Variants in FCRL4 observed in about 807,000 individuals in gnomAD.
The protein encoded by FCRL4 is Fc receptor like 4.
FCRL4 carries 43 observed loss-of-function variants against 64.1 expected under a neutral mutation model. That is an observed-to-expected ratio of 0.67 (90% CI 0.53 to 0.87). The LOEUF (loss-of-function observed/expected upper bound fraction) is 0.87. FCRL4 is among the 40% of genes least tolerant of loss of function. The pLI is 0.00. For synonymous variants in FCRL4, 253 were observed against 239.8 expected, an observed-to-expected ratio of 1.05 and a Z score of -0.51; for missense variants, 656 against 613.5, an observed-to-expected ratio of 1.07 and a Z score of -0.73.
chr1:157,584,535 TA>T (rs879425113), intron 6 of FCRL4, among the ~76,000 whole-genome samples: 1,533 of 140,726 alleles, frequency 0.011, 15 homozygotes, highest in African/African-American at 0.027. Flanking sequence ...GACCCCATCT[TA>T]AAAAAAAAAA....
At position 157,578,168 on chromosome 1, in the gene FCRL4, T is replaced by G. The variant is rs147155861; in HGVS notation, c.1429+306A>C. ...CACAATGCTTACCACATAGTAGACA[T>G]TTTACAAACATTTATTCATTCAGAC... On this transcript the variant is annotated intron_variant, in intron 10 of 11. Coordinates refer to ENST00000271532, the MANE Select transcript of FCRL4 (RefSeq NM_031282.3). Among the ~76,000 whole-genome samples, 56 of 152,268 alleles carry G rather than the reference T, an allele frequency of 3.7e-4. No individual in the cohort carries two copies. The East Asian group carries it at 7.9e-3, about 22-fold the overall frequency.
At chr1:157,588,853 G>A (rs1372889480) in intron 3 of FCRL4, among the ~76,000 whole-genome samples, 1 of 152,182 alleles carries the variant, frequency 6.6e-6, no homozygotes, top group African/African-American at 2.4e-5. Context: ...GAGCTCCTTC[G>A]ATGGCACTTT....
chr1:157,596,465 T>C, intron 1 of FCRL4, 117 bp from the exon 2 acceptor site: 1 of 1,125,674 alleles, frequency 8.9e-7, no homozygotes, highest in South Asian at 1.3e-5. Flanking sequence ...ACACGTTCCA[T>C]TCCATCCATC....
rs1653007063 is a variant in FCRL4, at chr1:157,598,027, A to G, written c.-83T>C. Reference sequence around the variant, plus strand: ...GATTGCCAAAGCAGCACTTGCCTACACCAGCACCAGCAGTGAGCTCAGTAA... The same window carrying G: ...GATTGCCAAAGCAGCACTTGCCTACGCCAGCACCAGCAGTGAGCTCAGTAA... On this transcript the variant is annotated 5_prime_UTR_variant, in exon 1 of 12. Coordinates refer to ENST00000271532, the MANE Select transcript of FCRL4 (RefSeq NM_031282.3). 3.2e-6 allele frequency: 3 copies of G among 944,362 alleles called. No homozygotes were observed. The highest frequency in any genetic ancestry group is 3.4e-6 in the Non-Finnish European group (2 of 580,262). The allele number at this position is 944,362 out of a possible 1,614,324, so 58.5% of individuals were successfully genotyped here.
chr1:157,575,396 T>A lies in FCRL4; in HGVS notation c.*128A>T. Reference sequence around the variant, plus strand: ...GAGTATTCCTGGGAGTGAATGCATATGCATGAGAAGAATTAGAAAGCTGGA... The same window carrying A: ...GAGTATTCCTGGGAGTGAATGCATAAGCATGAGAAGAATTAGAAAGCTGGA... On this transcript the variant is annotated 3_prime_UTR_variant, in exon 12 of 12. Transcript: ENST00000271532. 5 of 696,010 alleles carry A rather than the reference T, an allele frequency of 7.2e-6. No individual in the cohort carries two copies. In the East Asian group the frequency reaches 1.3e-4, roughly 19 times the overall value. The allele number at this position is 696,010 out of a possible 1,614,324, so 43.1% of individuals were successfully genotyped here.
chr1:157,586,588 A>T, intron 5 of FCRL4, 133 bp from the exon 6 acceptor site: 4 of 717,816 alleles, frequency 5.6e-6, no homozygotes, highest in Non-Finnish European at 6.9e-6. Context: ...CATTGTGGCC[A>T]ATAGACCACA....
intron 1 of FCRL4, among the ~76,000 whole-genome samples, chr1:157,596,873 A>G (rs12063268): frequency 0.048 from 7,280 of 152,248 alleles, 222 homozygotes; most frequent in African/African-American, 0.086. Flanking sequence ...CCTCAGGGAC[A>G]AGACCAACAT....
rs1448107542 is a variant in FCRL4 at position 157,594,231 on chromosome 1, T to TA, written c.52+2096dup. Among the ~76,000 whole-genome samples the TA allele has an allele frequency of 2.0e-5, 3 of 152,230 alleles. No individual in the cohort carries two copies. In the East Asian group the frequency reaches 5.8e-4, roughly 29 times the overall value. ...AAAATGAAGTATTAACTTTCCCACC[T>TA]ACATGATCCAGGTCTGAATAAAGGG... On this transcript the variant is annotated intron_variant, in intron 2 of 11. Transcript: ENST00000271532.
At position 157,574,165 on chromosome 1, in the gene FCRL4, TTTC is replaced by T; in HGVS notation, c.*1356_*1358del. The T allele has an allele frequency of 4.5e-6, 1 of 220,772 alleles. No homozygotes were observed. Among genetic ancestry groups the T allele is most frequent in the East Asian group, 6.6e-5 (1 of 15,052 alleles). The allele number at this position is 220,772 out of a possible 1,614,324, so 13.7% of individuals were successfully genotyped here. On this transcript the variant is annotated 3_prime_UTR_variant, in exon 12 of 12. Transcript: ENST00000271532. ...TCTAATTACTTTTCTTCATTTTTCT[TTTC>T]TTCTCTCTCCCTTTCTTCCTCCCTC...
At position 157,580,321 on chromosome 1, in the gene FCRL4, C is replaced by G; in HGVS notation, c.1277G>C (p.Arg426Thr). Residue 426 changes from arginine to threonine, a missense_variant and splice_region_variant, in exon 8 of 12, where the codon AGG becomes ACG. By Grantham distance (71) the Arg-to-Thr change is moderately conservative. Transcript: ENST00000271532. Reference sequence around the variant, plus strand: ...GGAATGGCAGAAACTGAGGTCTCACCTGGTTTCGTCTCCCAAGAAACCAAC... The same window carrying G: ...GGAATGGCAGAAACTGAGGTCTCACGTGGTTTCGTCTCCCAAGAAACCAAC... ...SGVGFLGDET[R>T]LPPAPGPGES... 1 of 1,614,140 alleles carries G rather than the reference C, an allele frequency of 6.2e-7. No individual in the cohort carries two copies. Among genetic ancestry groups the G allele is most frequent in the Non-Finnish European group, 8.5e-7 (1 of 1,180,004 alleles).
At chr1:157,597,727 C>T (rs1442234971) in intron 1 of FCRL4, among the ~76,000 whole-genome samples, 187 bp downstream of exon 1, 2 of 152,190 alleles carry the variant, frequency 1.3e-5, no homozygotes, top group Non-Finnish European at 2.9e-5. Flanking sequence ...ATGAGAAATA[C>T]ATCTTTGGAA....
chr1:157,587,673 A>G, intron 4 of FCRL4, 113 bp from the exon 5 acceptor site: 1 of 1,242,524 alleles, frequency 8.0e-7, no homozygotes, highest in Non-Finnish European at 1.1e-6. Flanking sequence ...AGACAAACTT[A>G]TCAAGCCCTC....
chr1:157,579,723 C>CATAT (rs1219973413), intron 8 of FCRL4, among the ~76,000 whole-genome samples: 2 of 138,614 alleles, frequency 1.4e-5, no homozygotes, highest in Non-Finnish European at 3.1e-5. Context: ...TACATACATA[C>CATAT]ATACATACAT....
In FCRL4 at chr1:157,594,537, A is replaced by G. The variant is rs1237096892; in HGVS notation, c.52+1791T>C. Among the ~76,000 whole-genome samples the G allele has an allele frequency of 3.9e-5, 6 of 152,284 alleles. No homozygotes were observed. The East Asian group carries it at 1.2e-3, about 29-fold the overall frequency. On this transcript the variant is annotated intron_variant, in intron 2 of 11. Coordinates refer to ENST00000271532, the MANE Select transcript of FCRL4 (RefSeq NM_031282.3). ...TTCTGTGAAGTAGAAAATAAAACAA[A>G]TTGTTTTCATTTGTATTAATTTTCA...
Position 157,587,426 on chromosome 1 carries a change from C to T in FCRL4, c.697G>A (p.Gly233Ser). 6.2e-7 allele frequency: 1 copy of T among 1,614,258 alleles called. No individual in the cohort carries two copies. The highest frequency in any genetic ancestry group is 8.5e-7 in the Non-Finnish European group (1 of 1,180,044). Reference sequence around the variant, plus strand: ...CTCCAGTCTGACAGGATGACCTCGCCATCTCTGAAGAAGTTGAAGTGAAGT... The same window carrying T: ...CTCCAGTCTGACAGGATGACCTCGCTATCTCTGAAGAAGTTGAAGTGAAGT... ...TPLHFNFFRD[G>S]EVILSDWSTY... Residue 233 changes from glycine to serine, a missense_variant, in exon 5 of 12, where the codon GGC becomes AGC. Transcript: ENST00000271532.
At chr1:157,585,837 A>G (rs902753367) in intron 6 of FCRL4, among the ~76,000 whole-genome samples, 1 of 152,146 alleles carries the variant, frequency 6.6e-6, no homozygotes, top group Non-Finnish European at 1.5e-5. Context: ...GTAGGATGAC[A>G]CGGTAGGGTG....
At chr1:157,587,660 G>A (rs1017020289) in intron 4 of FCRL4, 100 bp from the exon 5 acceptor site, 3 of 1,331,252 alleles carry the variant, frequency 2.3e-6, no homozygotes, top group South Asian at 1.4e-5. Context: ...CAGACACACA[G>A]CAAGACAAAC....
At chr1:157,585,129 G>A (rs1450328215) in intron 6 of FCRL4, among the ~76,000 whole-genome samples, 3 of 152,238 alleles carry the variant, frequency 2.0e-5, no homozygotes, top group Middle Eastern at 3.4e-3. Context: ...AAAAAATCAG[G>A]GAGGTAAGGA....
chr1:157,597,959 G>C lies in FCRL4; in HGVS notation c.-15C>G. On this transcript the variant is annotated 5_prime_UTR_variant, in exon 1 of 12. Transcript: ENST00000271532. ...CACAGCAGCATGGAAGCCTGCTCCA[G>C]GATTGGAGAAGGAGTTCTGAGGAGA... 6.2e-7 allele frequency: 1 copy of C among 1,611,896 alleles called. No individual in the cohort carries two copies. The highest frequency in any genetic ancestry group is 8.5e-7 in the Non-Finnish European group (1 of 1,178,562).
Sources: gnomAD v4.1 joint callset for allele counts (sites outside exome capture counted in the v4.1 genomes callset) on GRCh38, gnomAD v4.1.1 for gene constraint, MANE v1.5 for transcripts, NCBI Gene and HGNC (gene_info 2026-07-23, HGNC 2026-07-21) for gene names.